Variants in VPS33B observed in about 807,000 individuals in gnomAD.
The protein encoded by VPS33B is vacuolar protein sorting-associated protein 33B.
In VPS33B, 80 loss-of-function variants were observed where a neutral mutation model predicts 95.3. That is an observed-to-expected ratio of 0.84 (90% confidence interval 0.70 to 1.01). The LOEUF is 1.01. Among genes scored for constraint, VPS33B ranks in the 50% least tolerant of loss-of-function variants. VPS33B has a pLI of 0.00. For synonymous variants in VPS33B, 280 were observed against 280.4 expected (o/e 1.00, Z 0.01); for missense variants, 715 against 773.4 (o/e 0.92, Z 0.90).
chr15:91,020,201 C>G (rs906840785), intron 1 of VPS33B, among the ~76,000 whole-genome samples: 1 of 152,130 alleles, frequency 6.6e-6, no homozygotes, highest in Non-Finnish European at 1.5e-5. Context: ...TTTTTACTTT[C>G]CTTAATCTTC....
rs2040728437 is a variant in VPS33B at position 91,009,747 on chromosome 15, T to G, written c.403+54A>C. 1 of 1,606,602 alleles carries G rather than the reference T, an allele frequency of 6.2e-7. No homozygotes were observed. The highest frequency in any genetic ancestry group is 8.5e-7 in the Non-Finnish European group (1 of 1,173,764). Reference sequence around the variant, plus strand: ...TGGGGGGGTTGGAGAACAACAACAGTTTTTTCTTCTGTATGTTCTCTTTCC... The same window carrying G: ...TGGGGGGGTTGGAGAACAACAACAGGTTTTTCTTCTGTATGTTCTCTTTCC... On this transcript the variant is annotated intron_variant, in intron 6 of 22. Coordinates refer to ENST00000333371, the MANE Select transcript of VPS33B (RefSeq NM_018668.5). The surrounding 1 kb of genome is among the most constrained non-coding windows in gnomAD (Gnocchi z 4.1).
intron 1 of VPS33B, among the ~76,000 whole-genome samples, chr15:91,019,189 C>T (rs886243698): frequency 1.4e-5 from 2 of 146,386 alleles, no homozygotes; most frequent in Non-Finnish European, 3.0e-5. Flanking sequence ...ACGACCTCAG[C>T]TCACTGCAAC....
Position 91,009,048 on chromosome 15 carries a change from G to A in VPS33B, c.403+753C>T, listed in dbSNP as rs560616026. ...TTGGGGATTCTGGGCTTTATATTGAGCCGCTGCTATTTCCAGCAGGGAGGG... is the reference window on the plus strand; with the variant it reads ...TTGGGGATTCTGGGCTTTATATTGAACCGCTGCTATTTCCAGCAGGGAGGG... On this transcript the variant is annotated intron_variant, in intron 6 of 22. Transcript: ENST00000333371. This position sits in a 1 kb window ranked among gnomAD's most constrained non-coding sequence, Gnocchi z 4.1. 1.2e-4 allele frequency among the ~76,000 whole-genome samples: 19 copies of A among 152,234 alleles called. No homozygotes were observed. In the South Asian group the frequency reaches 3.5e-3, roughly 28 times the overall value.
chr15:91,001,569 C>T, intron 18 of VPS33B, 107 bp from the exon 19 acceptor site: 2 of 923,810 alleles, frequency 2.2e-6, no homozygotes, highest in Admixed American at 1.8e-5. Flanking sequence ...TCCAAAAACT[C>T]TCGGAAGCTG....
In VPS33B at chr15:91,000,108, G is replaced by C. The variant is rs2040393317; in HGVS notation, c.1582-133C>G. On this transcript the variant is annotated intron_variant, in intron 20 of 22. Coordinates refer to ENST00000333371, the MANE Select transcript of VPS33B (RefSeq NM_018668.5). This position sits in a 1 kb window ranked among gnomAD's most constrained non-coding sequence, Gnocchi z 4.9. ...AAAAAGTTGAGACAGGGCCAGGTGTGGTGGCTCACGCCTGTAATTCCAACA... is the reference window on the plus strand; with the variant it reads ...AAAAAGTTGAGACAGGGCCAGGTGTCGTGGCTCACGCCTGTAATTCCAACA... 9.0e-7 allele frequency: 1 copy of C among 1,108,158 alleles called. No individual in the cohort carries two copies. The highest frequency in any genetic ancestry group is 1.3e-6 in the Non-Finnish European group (1 of 749,386). 68.6% of individuals were successfully genotyped at this position (1,108,158 alleles called of 1,614,324 possible). A position where few individuals can be genotyped will look rare whatever the true frequency, so the allele number is the denominator to read the frequency against.
chr15:91,013,778 C>G lies in VPS33B; in HGVS notation c.357+26G>C, dbSNP rs1334396326. ...GTCCTCAGTCCTGTTCTACCTTATC[C>G]CACTTCCTCCAGGATCCAAACTCAC... On this transcript the variant is annotated intron_variant, in intron 5 of 22. Coordinates refer to ENST00000333371, the MANE Select transcript of VPS33B (RefSeq NM_018668.5). This position sits in a 1 kb window ranked among gnomAD's most constrained non-coding sequence, Gnocchi z 4.5. 6.2e-7 allele frequency: 1 copy of G among 1,613,916 alleles called. No homozygotes were observed.
rs572005463 is a variant in VPS33B at position 91,005,618 on chromosome 15, G to A, written c.1030+76C>T. On this transcript the variant is annotated intron_variant, in intron 13 of 22. Coordinates refer to ENST00000333371, the MANE Select transcript of VPS33B (RefSeq NM_018668.5). The surrounding 1 kb of genome is among the most constrained non-coding windows in gnomAD (Gnocchi z 6.4). Reference sequence around the variant, plus strand: ...TCAGATGAACAGGGATCTCCTCCTCGGGAGTAATGGTCCTCTGGAGCTTTC... The same window carrying A: ...TCAGATGAACAGGGATCTCCTCCTCAGGAGTAATGGTCCTCTGGAGCTTTC... The A allele has an allele frequency of 3.1e-6, 5 of 1,588,106 alleles. No individual in the cohort carries two copies. The South Asian group carries it at 3.3e-5, about 11-fold the overall frequency.
intron 6 of VPS33B, 138 bp from the exon 7 acceptor site, chr15:91,008,102 G>T: frequency 1.3e-6 from 1 of 786,384 alleles, no homozygotes; most frequent in Non-Finnish European, 2.2e-6. Context: ...ATTAAGCAAT[G>T]GAGGCTCAAA....
intron 6 of VPS33B, 79 bp from the exon 7 acceptor site, chr15:91,008,043 TTGAGTGCGTGCAACAAATATA>T (rs2040666532): frequency 3.7e-6 from 5 of 1,342,102 alleles, no homozygotes; most frequent in South Asian, 1.2e-5. Flanking sequence ...CCACAAATAT[TTGAGTGCGTGCAACAAATATA>T]TGAGTGCCTG....
Position 91,013,723 on chromosome 15 carries a change from G to A in VPS33B, c.357+81C>T, listed in dbSNP as rs1781808297. The A allele has an allele frequency of 1.4e-6, 2 of 1,406,674 alleles. No individual in the cohort carries two copies. Among genetic ancestry groups the A allele is most frequent in the Non-Finnish European group, 2.0e-6 (2 of 992,590 alleles). 87.1% of individuals were successfully genotyped at this position (1,406,674 alleles called of 1,614,324 possible). On this transcript the variant is annotated intron_variant, in intron 5 of 22. Transcript: ENST00000333371. The surrounding 1 kb of genome is among the most constrained non-coding windows in gnomAD (Gnocchi z 4.5). Reference sequence around the variant, plus strand: ...ACAGAAAACGAACGGAGACAGGGAGGTAGTGCTGTTGGCCCCTTACCCCTG... The same window carrying A: ...ACAGAAAACGAACGGAGACAGGGAGATAGTGCTGTTGGCCCCTTACCCCTG...
At position 91,004,236 on chromosome 15, in the gene VPS33B, A is replaced by AAAAG. The variant is rs1555458637; in HGVS notation, c.1225+640_1225+641insCTTT. Among the ~76,000 whole-genome samples the AAAAG allele has an allele frequency of 4.8e-3, 712 of 149,516 alleles. 16 individuals carry two copies. The East Asian group carries it at 0.057, about 12-fold the overall frequency. ...AGACTCTGTCTTAAAAAAAAAAAAAAGAAGAAAAAGAAAAAGAAGGCAACC... is the reference window on the plus strand; with the variant it reads ...AGACTCTGTCTTAAAAAAAAAAAAAAAAAGGAAGAAAAAGAAAAAGAAGGCAACC... On this transcript the variant is annotated intron_variant, in intron 16 of 22. Coordinates refer to ENST00000333371, the MANE Select transcript of VPS33B (RefSeq NM_018668.5).
intron 16 of VPS33B, 113 bp downstream of exon 16, chr15:91,004,764 G>A: frequency 7.9e-7 from 1 of 1,260,026 alleles, no homozygotes; most frequent in Non-Finnish European, 1.1e-6. Flanking sequence ...TTAAATTACA[G>A]GGAAACATTC....
In VPS33B at chr15:91,016,375, C is replaced by CTTTT. The variant is rs796637381; in HGVS notation, c.239+584_239+587dup. ...GTAATAAGAGGCCTTGCAGATTCTTCTTTTTTTTTTTTTTTTTTTTTTTTT... is the reference window on the plus strand; with the variant it reads ...GTAATAAGAGGCCTTGCAGATTCTTCTTTTTTTTTTTTTTTTTTTTTTTTTTTTT... On this transcript the variant is annotated intron_variant, in intron 3 of 22. Coordinates refer to ENST00000333371, the MANE Select transcript of VPS33B (RefSeq NM_018668.5). Among the ~76,000 whole-genome samples the CTTTT allele has an allele frequency of 4.0e-3, 380 of 95,992 alleles. 8 individuals carry two copies. The highest frequency in any genetic ancestry group is 9.7e-3 in the African/African-American group (230 of 23,658). The allele number at this position is 95,992 out of a possible 152,430, so 63.0% of individuals were successfully genotyped here.
chr15:91,014,360 C>A, intron 4 of VPS33B, 24 bp downstream of exon 4: 1 of 1,613,302 alleles, frequency 6.2e-7, no homozygotes, highest in South Asian at 1.1e-5. Context: ...CCCACAGTTA[C>A]ACATAGTACC....
rs957103744 is a variant in VPS33B, at chr15:91,005,842, C to G, written c.940-58G>C. On this transcript the variant is annotated intron_variant, in intron 12 of 22. Coordinates refer to ENST00000333371, the MANE Select transcript of VPS33B (RefSeq NM_018668.5). The surrounding 1 kb of genome is among the most constrained non-coding windows in gnomAD (Gnocchi z 6.4). ...ACCTCAGACACGAGAAACCACCACC[C>G]TCCCTCAGTTGCCATCCATCCATGA... 6.2e-7 allele frequency: 1 copy of G among 1,611,006 alleles called. No homozygotes were observed. Among genetic ancestry groups the G allele is most frequent in the Non-Finnish European group, 8.5e-7 (1 of 1,177,286 alleles).
In VPS33B at chr15:91,022,500, A is replaced by C; in HGVS notation, c.-251T>G. Reference sequence around the variant, plus strand: ...TGTCTCGACCCTCCCTCCCTGATCCACTCTGCCCGTCAGCAGGATTCCGGT... The same window carrying C: ...TGTCTCGACCCTCCCTCCCTGATCCCCTCTGCCCGTCAGCAGGATTCCGGT... On this transcript the variant is annotated 5_prime_UTR_variant, in exon 1 of 23. Coordinates refer to ENST00000333371, the MANE Select transcript of VPS33B (RefSeq NM_018668.5). The C allele has an allele frequency of 2.6e-6, 1 of 377,836 alleles. No individual in the cohort carries two copies. The allele number at this position is 377,836 out of a possible 1,614,324, so 23.4% of individuals were successfully genotyped here. A position where few individuals can be genotyped will look rare whatever the true frequency, so the allele number is the denominator to read the frequency against.
Position 91,013,936 on chromosome 15 carries a change from C to T in VPS33B, c.290-65G>A. 6.3e-7 allele frequency: 1 copy of T among 1,590,504 alleles called. No homozygotes were observed. Among genetic ancestry groups the T allele is most frequent in the South Asian group, 1.1e-5 (1 of 90,578 alleles). ...ATCTGTTATGCTAGAAACAGGGAAG[C>T]TGCCGGGCACAGTGGTTCACGCCTG... On this transcript the variant is annotated intron_variant, in intron 4 of 22. Coordinates refer to ENST00000333371, the MANE Select transcript of VPS33B (RefSeq NM_018668.5). The surrounding 1 kb of genome is among the most constrained non-coding windows in gnomAD (Gnocchi z 4.5).
chr15:91,022,373 G>T lies in VPS33B; in HGVS notation c.-124C>A. 1.1e-6 allele frequency: 1 copy of T among 911,718 alleles called. No homozygotes were observed. Among genetic ancestry groups the T allele is most frequent in the Non-Finnish European group, 1.6e-6 (1 of 612,880 alleles). 56.5% of individuals were successfully genotyped at this position (911,718 alleles called of 1,614,324 possible). On this transcript the variant is annotated 5_prime_UTR_variant, in exon 1 of 23. The change creates a new upstream start codon in the 5' untranslated region. Transcript: ENST00000333371. ...TGGGCACCGACTTCCAGAGACCCCA[G>T]ATGGGCCCTCGCTCCTCAGCAGCAC...
At position 91,007,354 on chromosome 15, in the gene VPS33B, T is replaced by TA; in HGVS notation, c.603+114_603+115insT. ...TCTCTGAGGATCTATTCCAGAACAATGAAAGCAAAGTAAAGAATACACCTC... is the reference window on the plus strand; with the variant it reads ...TCTCTGAGGATCTATTCCAGAACAATAGAAAGCAAAGTAAAGAATACACCTC... On this transcript the variant is annotated intron_variant, in intron 8 of 22. Transcript: ENST00000333371. This position sits in a 1 kb window ranked among gnomAD's most constrained non-coding sequence, Gnocchi z 5.3. 1 of 1,087,360 alleles carries TA rather than the reference T, an allele frequency of 9.2e-7. No homozygotes were observed. Among genetic ancestry groups the TA allele is most frequent in the Non-Finnish European group, 1.4e-6 (1 of 707,966 alleles). 67.4% of individuals were successfully genotyped at this position (1,087,360 alleles called of 1,614,324 possible).
Sources: gnomAD v4.1 joint callset for allele counts (sites outside exome capture counted in the v4.1 genomes callset) on GRCh38, gnomAD v4.1.1 for gene constraint, Gnocchi (gnomAD v3.1) non-coding constraint, MANE v1.5 for transcripts, NCBI Gene and HGNC (gene_info 2026-07-23, HGNC 2026-07-21) for gene names.